Variants in NUDCD1 observed in about 807,000 individuals in gnomAD.
NUDCD1 encodes the protein nudC domain-containing protein 1.
In NUDCD1, 60 loss-of-function variants were observed where a neutral mutation model predicts 67.8. That is an observed-to-expected ratio of 0.88 (90% CI 0.72 to 1.10). The LOEUF (loss-of-function observed/expected upper bound fraction) is 1.10. Among genes scored for constraint, NUDCD1 ranks in the 50% least tolerant of loss-of-function variants. The pLI, the probability that NUDCD1 is intolerant of heterozygous loss-of-function variation, is 0.00. For missense variants in NUDCD1, 643 were observed against 695.0 expected, an observed-to-expected ratio of 0.93 and a Z score of 0.84; for synonymous variants, 244 against 230.8, an observed-to-expected ratio of 1.06 and a Z score of -0.52.
chr8:109,250,488 C>T (rs566260728), intron 8 of NUDCD1, among the ~76,000 whole-genome samples: 1 of 152,188 alleles, frequency 6.6e-6, no homozygotes, highest in Non-Finnish European at 1.5e-5. Flanking sequence ...ACTATTATTT[C>T]CTGCCTCACT....
At chr8:109,253,220 A>G (rs1813659908) in intron 8 of NUDCD1, among the ~76,000 whole-genome samples, 1 of 152,226 alleles carries the variant, frequency 6.6e-6, no homozygotes, top group South Asian at 2.1e-4. Flanking sequence ...TTAAATACCA[A>G]AAAATAAACA....
At chr8:109,304,034 A>C (rs1011802731) in intron 2 of NUDCD1, among the ~76,000 whole-genome samples, 8 of 152,080 alleles carry the variant, frequency 5.3e-5, no homozygotes, top group African/African-American at 1.9e-4. Flanking sequence ...TCTGTTCTAG[A>C]TAAACCTAGC....
In NUDCD1 at chr8:109,279,113, T is replaced by C. The variant is rs533328812; in HGVS notation, c.1028+1855A>G. Among the ~76,000 whole-genome samples the C allele has an allele frequency of 1.6e-4, 24 of 152,248 alleles. No homozygotes were observed. The South Asian group carries it at 4.8e-3, about 30-fold the overall frequency. ...CAGAAAAACAAAAAATTATATACAT[T>C]CATTTATTTTGGTTAAACATCAAGG... is the stretch of plus-strand genomic sequence containing the variant. On this transcript the variant is annotated intron_variant, in intron 6 of 9. Transcript: ENST00000239690.
At chr8:109,329,772 T>C in intron 1 of NUDCD1, 1 of 1,539,978 alleles carries the variant, frequency 6.5e-7, no homozygotes, top group South Asian at 1.2e-5. Context: ...ATAAAGCTGT[T>C]TAATTTGTGA....
At position 109,275,380 on chromosome 8, in the gene NUDCD1, C is replaced by A. The variant is rs1814258428; in HGVS notation, c.1145G>T (p.Arg382Leu). ...DSAQCAAIAERLMHLTSEELN... is the reference protein window; with the variant it reads ...DSAQCAAIAELLMHLTSEELN... ...TTCTTCAGAGGTCAAATGCATCAAA[C>A]GTTCAGCTATTGCAGCACACTGGGC... is the stretch of plus-strand genomic sequence containing the variant. Residue 382 changes from arginine (R) to leucine (L), a missense_variant, in exon 7 of 10, where the codon CGT becomes CTT. Physicochemically the swap from Arg to Leu is moderately radical, Grantham distance 102 (BLOSUM62 -2). Coordinates refer to ENST00000239690, the MANE Select transcript of NUDCD1 (RefSeq NM_032869.4). 2 of 1,613,346 alleles carry A rather than the reference C, an allele frequency of 1.2e-6. No individual in the cohort carries two copies. The highest frequency in any genetic ancestry group is 1.7e-6 in the Non-Finnish European group (2 of 1,179,604).
At chr8:109,323,218 G>A (rs913832272) in intron 1 of NUDCD1, among the ~76,000 whole-genome samples, 1 of 152,092 alleles carries the variant, frequency 6.6e-6, no homozygotes, top group Admixed American at 6.6e-5. Context: ...GGATTATGCT[G>A]GGCCAATATC....
At chr8:109,322,541 CAAA>C in intron 1 of NUDCD1, 78 bp from the exon 2 acceptor site, 2 of 817,782 alleles carry the variant, frequency 2.4e-6, no homozygotes, top group Admixed American at 2.9e-5. Flanking sequence ...GCCTACAAGG[CAAA>C]AAAAAAAATC....
At chr8:109,328,862 T>C (rs1815741244) in intron 1 of NUDCD1, among the ~76,000 whole-genome samples, 1 of 151,968 alleles carries the variant, frequency 6.6e-6, no homozygotes, top group Admixed American at 6.5e-5. Flanking sequence ...CAATCAAAGA[T>C]TACCACATAT....
chr8:109,243,042 GT>G lies in NUDCD1; in HGVS notation c.1718del (p.Asn573ThrfsTer4). On this transcript the variant is annotated frameshift_variant, in exon 10 of 10. Transcript: ENST00000239690. LOFTEE classifies it high-confidence loss of function. ...NERLFVLTTK[N>X]LFLIKVNTEN Reference sequence around the variant, plus strand: ...CTGTATTTACTTTTATTAAAAAGAGGTTTTTGGTAGTAAGAACAAATAATCT... The same window carrying G: ...CTGTATTTACTTTTATTAAAAAGAGGTTTTGGTAGTAAGAACAAATAATCT... The G allele has an allele frequency of 6.3e-7, 1 of 1,597,058 alleles. No homozygotes were observed. The highest frequency in any genetic ancestry group is 8.6e-7 in the Non-Finnish European group (1 of 1,164,738).
At position 109,317,552 on chromosome 8, in the gene NUDCD1, AGGATCCATTGTTCTGT is replaced by A. The variant is rs368655879; in HGVS notation, c.273+4741_273+4756del. On this transcript the variant is annotated intron_variant, in intron 2 of 9. Transcript: ENST00000239690. ...TATTATCCTATGAGAAAGGATCCAC[AGGATCCATTGTTCTGT>A]GGATTAAACAGTTAGTACGTGTAAA... Among the ~76,000 whole-genome samples the A allele has an allele frequency of 7.3e-3, 1,105 of 152,336 alleles. 17 individuals carry two copies. The highest frequency in any genetic ancestry group is 0.026 in the African/African-American group (1,067 of 41,572).
At chr8:109,292,691 G>A (rs1379234774) in intron 4 of NUDCD1, among the ~76,000 whole-genome samples, 6 of 152,010 alleles carry the variant, frequency 3.9e-5, no homozygotes, top group Non-Finnish European at 8.8e-5. Flanking sequence ...GAGTCAGCAG[G>A]AACTAAGCAA....
chr8:109,320,173 A>G (rs112261840), intron 2 of NUDCD1, among the ~76,000 whole-genome samples: 11,221 of 152,288 alleles, frequency 0.074, 1,352 homozygotes, highest in African/African-American at 0.25. Flanking sequence ...ATCAGGAGAC[A>G]GGGTTTTGAG....
intron 8 of NUDCD1, among the ~76,000 whole-genome samples, chr8:109,262,037 G>A (rs1813873881): frequency 6.6e-6 from 1 of 152,102 alleles, no homozygotes; most frequent in Admixed American, 6.5e-5. Flanking sequence ...ACGTCTTTCA[G>A]TTATCAAACT....
At chr8:109,284,092 G>GA (rs1350029800) in intron 5 of NUDCD1, among the ~76,000 whole-genome samples, 1 of 151,950 alleles carries the variant, frequency 6.6e-6, no homozygotes, top group East Asian at 1.9e-4. Context: ...TAAAGGGCTG[G>GA]AAAAAAACTT....
intron 8 of NUDCD1, among the ~76,000 whole-genome samples, chr8:109,250,408 C>A (rs187917209): frequency 6.6e-6 from 1 of 152,066 alleles, no homozygotes; most frequent in African/African-American, 2.4e-5. Flanking sequence ...TAAGATAATG[C>A]CTAAAAGGTG....
rs77875010 is a variant in NUDCD1 at position 109,277,636 on chromosome 8, T to C, written c.1029-2140A>G. ...TACCACCTACGCTACATTGTAGTTA[T>C]CTTTTTTAACACAAAATAATAATCA... On this transcript the variant is annotated intron_variant, in intron 6 of 9. Transcript: ENST00000239690. 5.7e-3 allele frequency among the ~76,000 whole-genome samples: 861 copies of C among 152,342 alleles called. 6 individuals carry two copies. The highest frequency in any genetic ancestry group is 0.02 in the African/African-American group (834 of 41,588).
At chr8:109,306,122 T>A (rs937604979) in intron 2 of NUDCD1, among the ~76,000 whole-genome samples, 2 of 152,178 alleles carry the variant, frequency 1.3e-5, no homozygotes, top group Admixed American at 1.3e-4. Flanking sequence ...CAACTACTCA[T>A]AAATGCCCTG....
At chr8:109,260,489 T>C (rs879906523) in intron 8 of NUDCD1, among the ~76,000 whole-genome samples, 12 of 152,178 alleles carry the variant, frequency 7.9e-5, no homozygotes, top group Non-Finnish European at 1.6e-4. Context: ...CATGAGCCAC[T>C]GCGCCTGGCC....
intron 2 of NUDCD1, among the ~76,000 whole-genome samples, chr8:109,306,553 C>T (rs1321383576): frequency 1.3e-5 from 2 of 151,746 alleles, no homozygotes; most frequent in Non-Finnish European, 2.9e-5. Flanking sequence ...ATCAATCTTG[C>T]GTGGTATATG....
Sources: gnomAD v4.1 joint callset for allele counts (sites outside exome capture counted in the v4.1 genomes callset) on GRCh38, gnomAD v4.1.1 for gene constraint, MANE v1.5 for transcripts, NCBI Gene and HGNC (gene_info 2026-07-23, HGNC 2026-07-21) for gene names.